The following USP24 variants were observed in gnomAD, a reference collection of about 807,000 sequenced individuals.
The protein encoded by USP24 is ubiquitin specific peptidase 24, also known as ubiquitin carboxyl-terminal hydrolase 24.
USP24 carries 97 observed loss-of-function variants against 361.6 expected under a neutral mutation model. The observed-to-expected ratio is 0.27, with a 90% CI of 0.23 to 0.32. The LOEUF (loss-of-function observed/expected upper bound fraction) is 0.32, where lower values mean the gene tolerates loss of function less well. Among genes scored for constraint, USP24 ranks in the 10% least tolerant of loss-of-function variants. The pLI is 1.00. For synonymous variants in USP24, 1,098 were observed against 1,124.6 expected (o/e 0.98, Z 0.47); for missense variants, 2,353 against 3,165.6 (o/e 0.74, Z 6.16).
chr1:55,154,432 T>G lies in USP24; in HGVS notation c.1589A>C (p.Lys530Thr). ...TATTCGTCCAATCAGGCTCAAAAGCTTCTGTCTTACTCTATCACTCTCAGT... is the reference window on the plus strand; with the variant it reads ...TATTCGTCCAATCAGGCTCAAAAGCGTCTGTCTTACTCTATCACTCTCAGT... ...WETESDRVRQ[K>T]LLSLIGRIGR... Residue 530 changes from lysine to threonine, a missense_variant, in exon 14 of 68, where the codon AAG (lysine) becomes ACG (threonine). Lys to Thr is a moderately conservative substitution (Grantham distance 78). Transcript: ENST00000294383. 6.4e-7 allele frequency: 1 copy of G among 1,551,506 alleles called. No individual in the cohort carries two copies. Among genetic ancestry groups the G allele is most frequent in the Non-Finnish European group, 8.7e-7 (1 of 1,146,842 alleles).
intron 67 of USP24, chr1:55,071,329 T>C (rs1644914425): frequency 6.1e-6 from 6 of 989,324 alleles, no homozygotes; most frequent in Non-Finnish European, 7.2e-6. Flanking sequence ...ACTATAATGA[T>C]TGGTATTAAA....
intron 26 of USP24, 33 bp downstream of exon 26, chr1:55,138,575 T>A (rs1464823639): frequency 1.4e-6 from 2 of 1,460,730 alleles, no homozygotes; most frequent in African/African-American, 1.4e-5. Flanking sequence ...TAAGACAACA[T>A]GAAAATGGCT....
chr1:55,091,188 G>A (rs556496147), intron 54 of USP24, among the ~76,000 whole-genome samples: 6 of 123,684 alleles, frequency 4.9e-5, no homozygotes, highest in East Asian at 6.0e-4. Context: ...GACCAGTACC[G>A]GCCTGGGACC....
In USP24 at chr1:55,081,355, A is replaced by T. The variant is rs368719380; in HGVS notation, c.7045T>A (p.Leu2349Met). ...CTTTGGGATGAGACATCTGAATGCA[A>T]AACAAGTAACGCCACTGTATTGTGA... The part of the protein sequence containing the change: ...NLHNTVALLV[L>M]HSDVSSQRNV... Residue 2349 changes from leucine (L) to methionine (M), a missense_variant, in exon 59 of 68, where the codon TTG becomes ATG. Around this residue, in one of 8 missense-constraint regions of USP24, gnomAD observed 598 missense variants for 761.9 expected, o/e 0.78. Transcript: ENST00000294383. The T allele has an allele frequency of 6.2e-7, 1 of 1,613,718 alleles. No individual in the cohort carries two copies. The highest frequency in any genetic ancestry group is 8.5e-7 in the Non-Finnish European group (1 of 1,179,686).
At position 55,150,841 on chromosome 1, in the gene USP24, C is replaced by G. The variant is rs534890050; in HGVS notation, c.1861-2271G>C. On this transcript the variant is annotated intron_variant, in intron 16 of 67. Coordinates refer to ENST00000294383, the MANE Select transcript of USP24 (RefSeq NM_015306.3). ...TAAGAAAAATTTAAATTACTCTTCT[C>G]CAATTACAATGAAGATATCTGATAA... Among the ~76,000 whole-genome samples, 3 of 152,246 alleles carry G rather than the reference C, an allele frequency of 2.0e-5. No homozygotes were observed. The East Asian group carries it at 5.8e-4, about 29-fold the overall frequency.
chr1:55,162,899 T>C lies in USP24; in HGVS notation c.928-635A>G, dbSNP rs559739898. On this transcript the variant is annotated intron_variant, in intron 7 of 67. Coordinates refer to ENST00000294383, the MANE Select transcript of USP24 (RefSeq NM_015306.3). ...TGGGCAGAAGTGACACTACCAGTAA[T>C]GAACACAATGTTGCAACAGTACAGA... Among the ~76,000 whole-genome samples, 5 of 152,176 alleles carry C rather than the reference T, an allele frequency of 3.3e-5. No individual in the cohort carries two copies. In the South Asian group the frequency reaches 1.0e-3, roughly 32 times the overall value.
At chr1:55,074,470 C>CA (rs1018613621) in intron 63 of USP24, among the ~76,000 whole-genome samples, 43 of 151,756 alleles carry the variant, frequency 2.8e-4, no homozygotes, top group African/African-American at 9.9e-4. Flanking sequence ...TCTGTCTCTA[C>CA]AAAAAAATAC....
At chr1:55,192,688 G>A (rs901567654) in intron 1 of USP24, among the ~76,000 whole-genome samples, 2 of 152,190 alleles carry the variant, frequency 1.3e-5, no homozygotes, top group African/African-American at 4.8e-5. Flanking sequence ...AAGCAATTTG[G>A]AGATGGTTAT....
At chr1:55,075,681 T>G in intron 62 of USP24, among the ~76,000 whole-genome samples, 158 bp from the exon 63 acceptor site, 1 of 146,308 alleles carries the variant, frequency 6.8e-6, no homozygotes, top group African/African-American at 2.5e-5. Context: ...CCACCACCAA[T>G]ACAGGACGGG....
chr1:55,089,671 C>G lies in USP24; in HGVS notation c.6624G>C (p.Trp2208Cys), dbSNP rs775396270. Residue 2208 changes from tryptophan (W) to cysteine (C), a missense_variant, in exon 55 of 68, where the codon TGG becomes TGC. Transcript: ENST00000294383. ...CAGAACTAATAAAATATTCAACTAA[C>G]CACTGACAAGCATCAAAACTTTTTG... Reference protein sequence around the residue: ...LLSKSFDACQWLVEYFISSEG... With the variant: ...LLSKSFDACQCLVEYFISSEG... 1 of 1,604,062 alleles carries G rather than the reference C, an allele frequency of 6.2e-7. No individual in the cohort carries two copies. The highest frequency in any genetic ancestry group is 8.5e-7 in the Non-Finnish European group (1 of 1,174,586).
chr1:55,182,952 C>T (rs1324351629), intron 1 of USP24, among the ~76,000 whole-genome samples: 1 of 151,996 alleles, frequency 6.6e-6, no homozygotes. Flanking sequence ...CTCCTGACCG[C>T]AAGTGATCTG....
At chr1:55,078,764 T>G in intron 60 of USP24, 113 bp from the exon 61 acceptor site, 1 of 731,042 alleles carries the variant, frequency 1.4e-6, no homozygotes, top group Non-Finnish European at 2.1e-6. Context: ...TAACACTGCC[T>G]GAAAACAGGG....
chr1:55,148,102 T>C (rs1242329657), intron 17 of USP24, among the ~76,000 whole-genome samples: 3 of 152,130 alleles, frequency 2.0e-5, no homozygotes, highest in Non-Finnish European at 4.4e-5. Context: ...CCCAAGTCTA[T>C]ACATTGAGGA....
chr1:55,159,817 T>C, intron 8 of USP24, 132 bp from the exon 9 acceptor site: 3 of 753,666 alleles, frequency 4.0e-6, no homozygotes, highest in Non-Finnish European at 6.4e-6. Context: ...TCAGAGCAGC[T>C]ACTAACTAGC....
chr1:55,071,750 TTC>T (rs1424631298), intron 67 of USP24, 62 bp downstream of exon 67: 2 of 1,483,978 alleles, frequency 1.3e-6, no homozygotes, highest in Non-Finnish European at 1.8e-6. Context: ...GCTGTGGAAA[TTC>T]TTTTTGGAAA....
Position 55,134,727 on chromosome 1 carries a change from G to A in USP24, c.3202-314C>T, listed in dbSNP as rs1034256540. Among the ~76,000 whole-genome samples the A allele has an allele frequency of 6.0e-4, 91 of 152,340 alleles. 1 individual carries two copies. The highest frequency in any genetic ancestry group is 2.0e-3 in the African/African-American group (83 of 41,588). On this transcript the variant is annotated intron_variant, in intron 28 of 67. Transcript: ENST00000294383. ...GAGCATGTGTAATTAATATAATGGA[G>A]AGTAGGCACCACTGAGCTAATGACT...
chr1:55,194,569 T>C (rs1644368730), intron 1 of USP24, among the ~76,000 whole-genome samples: 1 of 151,248 alleles, frequency 6.6e-6, no homozygotes, highest in South Asian at 2.1e-4. Context: ...GCCACTGTAC[T>C]CCAGGCTGGG....
intron 60 of USP24, 110 bp from the exon 61 acceptor site, chr1:55,078,761 G>T: frequency 1.3e-6 from 1 of 750,224 alleles, no homozygotes; most frequent in Non-Finnish European, 2.1e-6. Flanking sequence ...AATTAACACT[G>T]CCTGAAAACA....
At chr1:55,130,958 C>G (rs1646574911) in intron 31 of USP24, among the ~76,000 whole-genome samples, 3 of 152,138 alleles carry the variant, frequency 2.0e-5, no homozygotes. Context: ...ACTCAGAAGT[C>G]TTAAAATGAT....
Sources: gnomAD v4.1 joint callset for allele counts (sites outside exome capture counted in the v4.1 genomes callset) on GRCh38, gnomAD v4.1.1 for gene constraint, gnomAD v4.1.1 regional missense constraint, MANE v1.5 for transcripts, NCBI Gene and HGNC (gene_info 2026-07-23, HGNC 2026-07-21) for gene names.